The following HS3ST2 variants were observed in gnomAD, a reference collection of about 807,000 sequenced individuals.
HS3ST2 encodes heparan sulfate-glucosamine 3-sulfotransferase 2.
In HS3ST2, 17 loss-of-function variants were observed where a neutral mutation model predicts 26.3. That is an observed-to-expected ratio of 0.65 (90% CI 0.44 to 0.97). HS3ST2 has a LOEUF of 0.97. Among genes scored for constraint, HS3ST2 ranks in the 50% least tolerant of loss-of-function variants. The pLI is 0.00. For synonymous variants in HS3ST2, 237 were observed against 219.2 expected (o/e 1.08, Z -0.72); for missense variants, 402 against 501.2 (o/e 0.80, Z 1.89).
intron 1 of HS3ST2, among the ~76,000 whole-genome samples, chr16:22,855,127 C>T (rs1197761611): frequency 6.6e-6 from 1 of 152,076 alleles, no homozygotes; most frequent in Non-Finnish European, 1.5e-5. Context: ...TTTTCCAAAC[C>T]ACATTTTTCC....
chr16:22,820,277 G>T (rs1309183327), intron 1 of HS3ST2, among the ~76,000 whole-genome samples: 1 of 152,148 alleles, frequency 6.6e-6, no homozygotes, highest in African/African-American at 2.4e-5. Context: ...AGGAACATTC[G>T]GAATGGGCAA....
At chr16:22,885,610 C>G (rs898410234) in intron 1 of HS3ST2, among the ~76,000 whole-genome samples, 1 of 151,930 alleles carries the variant, frequency 6.6e-6, no homozygotes, top group Non-Finnish European at 1.5e-5. Context: ...CGTGCGCCAC[C>G]ACGCCCGGGT....
At chr16:22,859,331 A>T (rs894859381) in intron 1 of HS3ST2, among the ~76,000 whole-genome samples, 2 of 152,200 alleles carry the variant, frequency 1.3e-5, no homozygotes, top group Non-Finnish European at 2.9e-5. Context: ...CATATTTGCA[A>T]ACTGTGCAAA....
intron 1 of HS3ST2, among the ~76,000 whole-genome samples, chr16:22,895,187 T>G (rs1902192897): frequency 6.6e-6 from 1 of 151,938 alleles, no homozygotes; most frequent in Non-Finnish European, 1.5e-5. Context: ...CCTCCTGAGT[T>G]CAAGCTATTC....
chr16:22,879,174 G>A (rs1901956090), intron 1 of HS3ST2, among the ~76,000 whole-genome samples: 1 of 152,180 alleles, frequency 6.6e-6, no homozygotes, highest in Non-Finnish European at 1.5e-5. Context: ...CGTCAATGTC[G>A]TCACCAACCC....
chr16:22,875,579 C>T (rs1237016339), intron 1 of HS3ST2, among the ~76,000 whole-genome samples: 2 of 152,072 alleles, frequency 1.3e-5, no homozygotes, highest in East Asian at 1.9e-4. Flanking sequence ...GACTGGATTT[C>T]ACTGTGTTAG....
intron 1 of HS3ST2, among the ~76,000 whole-genome samples, chr16:22,899,054 C>T (rs1902247369): frequency 6.6e-6 from 1 of 152,202 alleles, no homozygotes; most frequent in Non-Finnish European, 1.5e-5. Flanking sequence ...GAACTCATCC[C>T]TGCAAAACCA....
chr16:22,907,047 G>T (rs1170074369), intron 1 of HS3ST2, among the ~76,000 whole-genome samples: 1 of 152,200 alleles, frequency 6.6e-6, no homozygotes, highest in Non-Finnish European at 1.5e-5. Context: ...TTTACAGAGG[G>T]TGTGTGTGAC....
intron 1 of HS3ST2, among the ~76,000 whole-genome samples, chr16:22,827,455 C>A (rs1039412335): frequency 6.6e-6 from 1 of 152,088 alleles, no homozygotes; most frequent in African/African-American, 2.4e-5. Context: ...AGGAGGAAAA[C>A]TGGCTAGGGG....
chr16:22,892,909 T>C (rs543457110), intron 1 of HS3ST2, among the ~76,000 whole-genome samples: 1 of 152,316 alleles, frequency 6.6e-6, no homozygotes, highest in Admixed American at 6.5e-5. Flanking sequence ...TTTAAAATCC[T>C]TTTGGGATCT....
intron 1 of HS3ST2, among the ~76,000 whole-genome samples, chr16:22,840,866 A>G (rs1432408628): frequency 6.6e-6 from 1 of 152,116 alleles, no homozygotes; most frequent in Non-Finnish European, 1.5e-5. Context: ...CACAACGTGC[A>G]GGTTAGTTAC....
chr16:22,899,495 G>C (rs1902254481), intron 1 of HS3ST2, among the ~76,000 whole-genome samples: 1 of 152,208 alleles, frequency 6.6e-6, no homozygotes. Context: ...GTCTGAAATA[G>C]TCATGCAGAG....
intron 1 of HS3ST2, among the ~76,000 whole-genome samples, chr16:22,840,759 G>A (rs1429585768): frequency 6.6e-6 from 1 of 152,168 alleles, no homozygotes; most frequent in African/African-American, 2.4e-5. Flanking sequence ...TAGGAGAAAT[G>A]TCAGTGGTTC....
chr16:22,837,169 C>T (rs1901269552), intron 1 of HS3ST2, among the ~76,000 whole-genome samples: 1 of 150,840 alleles, frequency 6.6e-6, no homozygotes, highest in South Asian at 2.1e-4. Flanking sequence ...TAAAGTCAGA[C>T]TGTCCTGAGT....
intron 1 of HS3ST2, among the ~76,000 whole-genome samples, chr16:22,830,925 G>A (rs1273135735): frequency 1.3e-5 from 2 of 152,158 alleles, no homozygotes; most frequent in Non-Finnish European, 2.9e-5. Context: ...CCTAAATGAG[G>A]CTCCTCAACT....
chr16:22,870,009 T>C (rs1361071311), intron 1 of HS3ST2, among the ~76,000 whole-genome samples: 2 of 152,116 alleles, frequency 1.3e-5, no homozygotes, highest in Non-Finnish European at 2.9e-5. Context: ...AGTCTTAAAT[T>C]CTCACATTGA....
At chr16:22,838,323 T>C (rs1216519118) in intron 1 of HS3ST2, among the ~76,000 whole-genome samples, 1 of 152,084 alleles carries the variant, frequency 6.6e-6, no homozygotes, top group African/African-American at 2.4e-5. Context: ...CTCTGGAATA[T>C]GTTCGAAGCT....
At chr16:22,871,154 G>A (rs1403931067) in intron 1 of HS3ST2, among the ~76,000 whole-genome samples, 3 of 152,112 alleles carry the variant, frequency 2.0e-5, no homozygotes, top group Non-Finnish European at 2.9e-5. Context: ...TCAGGAGATG[G>A]AGACCATTCT....
intron 1 of HS3ST2, among the ~76,000 whole-genome samples, chr16:22,821,050 C>A (rs1215826479): frequency 2.6e-5 from 4 of 152,142 alleles, no homozygotes; most frequent in African/African-American, 9.7e-5. Flanking sequence ...CCTGCTTCAT[C>A]TCTGTAGCCA....
Sources: gnomAD v4.1 joint callset for allele counts (sites outside exome capture counted in the v4.1 genomes callset) on GRCh38, gnomAD v4.1.1 for gene constraint, MANE v1.5 for transcripts, NCBI Gene and HGNC (gene_info 2026-07-23, HGNC 2026-07-21) for gene names.